Variants in RAB7A observed in about 807,000 individuals in gnomAD.
RAB7A encodes the protein ras-related protein Rab-7a.
In RAB7A, 2 loss-of-function variants were observed where a neutral mutation model predicts 24.5. The observed-to-expected ratio is 0.08, with a 90% confidence interval of 0.03 to 0.26. The LOEUF (loss-of-function observed/expected upper bound fraction) is 0.26. Among genes scored for constraint, RAB7A ranks in the 10% least tolerant of loss-of-function variants. RAB7A has a pLI of 1.00. For synonymous variants in RAB7A, 100 were observed against 95.9 expected, an observed-to-expected ratio of 1.04 and a Z score of -0.25; for missense variants, 118 against 255.7, an observed-to-expected ratio of 0.46 and a Z score of 3.67.
chr3:128,780,513 C>A (rs1933195755), intron 1 of RAB7A, among the ~76,000 whole-genome samples: 1 of 152,160 alleles, frequency 6.6e-6, no homozygotes, highest in Non-Finnish European at 1.5e-5. Flanking sequence ...TGAGATGGCC[C>A]CTTTTTGAAG....
intron 1 of RAB7A, among the ~76,000 whole-genome samples, chr3:128,742,918 G>A (rs1178325518): frequency 6.6e-6 from 1 of 152,228 alleles, no homozygotes; most frequent in African/African-American, 2.4e-5. Context: ...GTCCCATGCT[G>A]CGCACCTGCA....
intron 1 of RAB7A, among the ~76,000 whole-genome samples, chr3:128,779,571 G>A (rs1006436828): frequency 7.4e-6 from 1 of 134,482 alleles, no homozygotes; most frequent in Non-Finnish European, 1.6e-5. Context: ...CAGAGAAAGA[G>A]TTGTGTGTGT....
At chr3:128,807,769 C>T in intron 5 of RAB7A, 98 bp downstream of exon 5, 1 of 1,545,012 alleles carries the variant, frequency 6.5e-7, no homozygotes, top group Non-Finnish European at 8.9e-7. Flanking sequence ...CCCTAACCCA[C>T]TCTTTTCTGT....
chr3:128,781,095 A>G (rs1028804215), intron 1 of RAB7A, among the ~76,000 whole-genome samples: 13 of 152,256 alleles, frequency 8.5e-5, no homozygotes, highest in African/African-American at 2.2e-4. Flanking sequence ...AGCTGAATGC[A>G]TAATTTGTAT....
In RAB7A at chr3:128,803,874, A is replaced by T. The variant is rs373467517; in HGVS notation, c.181-2498A>T. On this transcript the variant is annotated intron_variant, in intron 3 of 5. Coordinates refer to ENST00000265062, the MANE Select transcript of RAB7A (RefSeq NM_004637.6). ...AAAACGGATAAAAATAACAGTGTTA[A>T]TTTTTGTCACATCAGAATATTGGGT... Among the ~76,000 whole-genome samples the T allele has an allele frequency of 3.9e-5, 6 of 152,324 alleles. No homozygotes were observed. The East Asian group carries it at 5.8e-4, about 15-fold the overall frequency.
At chr3:128,772,901 G>A (rs1932988361) in intron 1 of RAB7A, among the ~76,000 whole-genome samples, 1 of 152,234 alleles carries the variant, frequency 6.6e-6, no homozygotes, top group African/African-American at 2.4e-5. Context: ...GCTCAGTGTT[G>A]CCCAGGCTGG....
At chr3:128,743,031 C>G (rs995213761) in intron 1 of RAB7A, among the ~76,000 whole-genome samples, 1 of 152,160 alleles carries the variant, frequency 6.6e-6, no homozygotes, top group Non-Finnish European at 1.5e-5. Context: ...CAGGAGGGCT[C>G]GGGCATGGCG....
At chr3:128,798,106 A>G (rs1353036732) in intron 3 of RAB7A, 37 bp downstream of exon 3, 9 of 1,610,242 alleles carry the variant, frequency 5.6e-6, no homozygotes, top group Middle Eastern at 1.6e-4. Context: ...CCAGGCCTTG[A>G]TAGTTCATTT....
chr3:128,735,905 T>C (rs894060714), intron 1 of RAB7A, among the ~76,000 whole-genome samples: 9 of 152,366 alleles, frequency 5.9e-5, no homozygotes, highest in African/African-American at 2.2e-4. Context: ...ACTAAACTTT[T>C]GGCTTAGTAC....
At position 128,809,936 on chromosome 3, in the gene RAB7A, C is replaced by CTTTTTTTTTTTTTTTTTTTTTTTTTTTT. The variant is rs869119619; in HGVS notation, c.528+2268_528+2295dup. On this transcript the variant is annotated intron_variant, in intron 5 of 5. Transcript: ENST00000265062. ...GAGGCAAGTTTCCTCTTGCCACAGT[C>CTTTTTTTTTTTTTTTTTTTTTTTTTTTT]TTTTTTTTTTTTTTTTTTTTTTTTT... 1.1e-3 allele frequency among the ~76,000 whole-genome samples: 57 copies of CTTTTTTTTTTTTTTTTTTTTTTTTTTTT among 52,256 alleles called. 15 individuals carry two copies. Among genetic ancestry groups the CTTTTTTTTTTTTTTTTTTTTTTTTTTTT allele is most frequent in the Non-Finnish European group, 1.6e-3 (47 of 29,584 alleles). 34.3% of individuals were successfully genotyped at this position (52,256 alleles called of 152,430 possible).
chr3:128,804,965 A>G (rs1259815465), intron 3 of RAB7A, among the ~76,000 whole-genome samples: 1 of 152,166 alleles, frequency 6.6e-6, no homozygotes, highest in Non-Finnish European at 1.5e-5. Flanking sequence ...CTAGTGCGTG[A>G]CGGGGTAGAG....
At chr3:128,812,321 G>GA (rs1933945404) in intron 5 of RAB7A, among the ~76,000 whole-genome samples, 3 of 152,096 alleles carry the variant, frequency 2.0e-5, no homozygotes, top group African/African-American at 7.2e-5. Flanking sequence ...CACCATGTTC[G>GA]CCAGGCTGGT....
At chr3:128,764,318 C>G (rs944219828) in intron 1 of RAB7A, 1 of 544,932 alleles carries the variant, frequency 1.8e-6, no homozygotes, top group African/African-American at 1.9e-5. Flanking sequence ...TACCAAATTT[C>G]TTTATTTGAA....
intron 1 of RAB7A, among the ~76,000 whole-genome samples, chr3:128,731,569 A>G (rs2070436987): frequency 6.6e-6 from 1 of 152,226 alleles, no homozygotes. Context: ...TCTGCCTGAA[A>G]TAGCTGAGGC....
At chr3:128,804,104 A>G (rs1443093748) in intron 3 of RAB7A, among the ~76,000 whole-genome samples, 1 of 148,598 alleles carries the variant, frequency 6.7e-6, no homozygotes, top group African/African-American at 2.5e-5. Flanking sequence ...GGGGCTAGGG[A>G]CCTCCCTGGG....
At chr3:128,756,114 G>A (rs2070727217) in intron 1 of RAB7A, among the ~76,000 whole-genome samples, 1 of 152,172 alleles carries the variant, frequency 6.6e-6, no homozygotes, top group African/African-American at 2.4e-5. Context: ...GAGGCGGGTG[G>A]ATCACAAGGT....
chr3:128,786,907 G>A (rs1933353815), intron 1 of RAB7A, among the ~76,000 whole-genome samples: 5 of 152,316 alleles, frequency 3.3e-5, no homozygotes, highest in African/African-American at 1.2e-4. Context: ...GATTATCCAT[G>A]TGCTGAATAT....
intron 3 of RAB7A, among the ~76,000 whole-genome samples, chr3:128,802,950 G>A (rs920528889): frequency 6.6e-6 from 1 of 152,046 alleles, no homozygotes; most frequent in African/African-American, 2.4e-5. Context: ...GATTACAGGC[G>A]CCTGCCACCA....
At chr3:128,744,013 TC>T (rs1295534911) in intron 1 of RAB7A, among the ~76,000 whole-genome samples, 1 of 151,830 alleles carries the variant, frequency 6.6e-6, no homozygotes, top group Non-Finnish European at 1.5e-5. Flanking sequence ...GGTATTGAAT[TC>T]CTGACCTCAG....
Sources: gnomAD v4.1 joint callset for allele counts (sites outside exome capture counted in the v4.1 genomes callset) on GRCh38, gnomAD v4.1.1 for gene constraint, MANE v1.5 for transcripts, NCBI Gene and HGNC (gene_info 2026-07-23, HGNC 2026-07-21) for gene names.